The following NLK variants were observed in gnomAD, a reference collection of about 807,000 sequenced individuals.
The protein encoded by NLK is serine/threonine-protein kinase NLK.
Under a neutral mutation model 59.0 loss-of-function variants are expected in NLK, and 11 were observed. The observed-to-expected ratio is 0.19, with a 90% CI of 0.12 to 0.31. NLK has a LOEUF of 0.31. Among genes scored for constraint, NLK ranks in the 10% least tolerant of loss-of-function variants. The pLI is 1.00. For synonymous variants in NLK, 235 were observed against 235.9 expected (o/e 1.00, Z 0.03); for missense variants, 410 against 661.1 (o/e 0.62, Z 4.16).
intron 7 of NLK, among the ~76,000 whole-genome samples, chr17:28,184,587 G>A (rs1909042657): frequency 6.6e-6 from 1 of 152,084 alleles, no homozygotes; most frequent in East Asian, 1.9e-4. Context: ...TGCCATATTT[G>A]CAATTCGTTT....
At chr17:28,123,026 A>T (rs545158715) in intron 2 of NLK, among the ~76,000 whole-genome samples, 1 of 152,236 alleles carries the variant, frequency 6.6e-6, no homozygotes, top group East Asian at 1.9e-4. Context: ...ATGTCTCTCT[A>T]TGACTGTCTT....
intron 1 of NLK, among the ~76,000 whole-genome samples, chr17:28,101,277 T>G (rs182487869): frequency 4.5e-4 from 69 of 152,312 alleles, no homozygotes; most frequent in South Asian, 6.2e-4. Context: ...TACATACAAA[T>G]TTTTTAATCA....
At chr17:28,120,920 TTGAA>T (rs763011000) in intron 1 of NLK, among the ~76,000 whole-genome samples, 8 of 152,218 alleles carry the variant, frequency 5.3e-5, no homozygotes, top group Non-Finnish European at 1.2e-4. Flanking sequence ...TTGTAGTTCA[TTGAA>T]TGAGTAATTG....
intron 1 of NLK, among the ~76,000 whole-genome samples, chr17:28,090,623 G>A (rs1046590121): frequency 5.9e-5 from 9 of 152,038 alleles, no homozygotes; most frequent in African/African-American, 1.7e-4. Context: ...TTGGGAGGCC[G>A]AGAGGTGGGA....
chr17:28,192,692 A>G (rs1909351840), intron 10 of NLK, among the ~76,000 whole-genome samples: 1 of 152,024 alleles, frequency 6.6e-6, no homozygotes, highest in Admixed American at 6.6e-5. Flanking sequence ...AAAAACTGTA[A>G]GCATCACATT....
intron 1 of NLK, among the ~76,000 whole-genome samples, chr17:28,080,917 T>C (rs1910321957): frequency 1.3e-5 from 2 of 152,044 alleles, no homozygotes; most frequent in Non-Finnish European, 2.9e-5. Context: ...TGAGACAGGG[T>C]GTTGCTCTGT....
At chr17:28,175,860 A>G (rs1025367733) in intron 7 of NLK, among the ~76,000 whole-genome samples, 1 of 152,224 alleles carries the variant, frequency 6.6e-6, no homozygotes, top group African/African-American at 2.4e-5. Flanking sequence ...AGGGTGGTTC[A>G]CCTACAGAAA....
At chr17:28,197,167 T>C (rs187345953), downstream of NLK, among the ~76,000 whole-genome samples, 29 of 152,148 alleles carry the variant, frequency 1.9e-4, no homozygotes, top group Admixed American at 9.8e-4. Flanking sequence ...TTAACACATA[T>C]CATTTTGAAA....
intron 1 of NLK, among the ~76,000 whole-genome samples, chr17:28,098,985 A>G (rs1173560919): frequency 1.3e-5 from 2 of 151,938 alleles, no homozygotes; most frequent in Non-Finnish European, 2.9e-5. Context: ...CCTGGCTTTC[A>G]TTACCATTCT....
chr17:28,079,751 A>G (rs1910283024), intron 1 of NLK, among the ~76,000 whole-genome samples: 1 of 152,122 alleles, frequency 6.6e-6, no homozygotes, highest in African/African-American at 2.4e-5. Context: ...TGATTTGCAA[A>G]TATTTTTTCC....
chr17:28,200,709 C>A (rs1024408341), downstream of NLK, among the ~76,000 whole-genome samples: 20 of 152,224 alleles, frequency 1.3e-4, no homozygotes, highest in African/African-American at 4.8e-4. Context: ...GCCTCGAACT[C>A]CTGACCACAG....
At chr17:28,179,872 G>GT (rs34411493) in intron 7 of NLK, among the ~76,000 whole-genome samples, 7,699 of 79,092 alleles carry the variant, frequency 0.097, 256 homozygotes, top group Non-Finnish European at 0.12. Context: ...AGCATTCTTG[G>GT]TTTTTTTTTT....
intron 1 of NLK, among the ~76,000 whole-genome samples, chr17:28,072,711 T>C (rs1004366948): frequency 1.6e-4 from 25 of 152,216 alleles, no homozygotes; most frequent in African/African-American, 5.3e-4. Context: ...TATTTTGTTC[T>C]TTCAGTTGCC....
At chr17:28,099,405 G>A (rs886416410) in intron 1 of NLK, among the ~76,000 whole-genome samples, 1 of 152,052 alleles carries the variant, frequency 6.6e-6, no homozygotes, top group Admixed American at 6.6e-5. Context: ...ACCCTAAAAA[G>A]TTTCTTCCTG....
At chr17:28,087,023 G>A (rs1037855469) in intron 1 of NLK, among the ~76,000 whole-genome samples, 2 of 151,528 alleles carry the variant, frequency 1.3e-5, no homozygotes, top group African/African-American at 4.8e-5. Context: ...ACTCCAGCCT[G>A]GGTGACACCC....
At chr17:28,063,224 G>A (rs143432006) in intron 1 of NLK, among the ~76,000 whole-genome samples, 2 of 152,288 alleles carry the variant, frequency 1.3e-5, no homozygotes, top group East Asian at 3.9e-4. Context: ...AAGCCATGGC[G>A]ACTGGCAACA....
At chr17:28,058,453 T>C (rs1026604568) in intron 1 of NLK, among the ~76,000 whole-genome samples, 2 of 152,242 alleles carry the variant, frequency 1.3e-5, no homozygotes, top group Non-Finnish European at 2.9e-5. Context: ...CTAATGTAAG[T>C]GCTTATAACC....
In NLK at chr17:28,136,707, G is replaced by A. The variant is rs557941437; in HGVS notation, c.644+4032G>A. ...CAACCTCCACCTCCTAGGTTCAAGAGATTCTCATGCCTCAGCCTCCCAAGT... is the reference window on the plus strand; with the variant it reads ...CAACCTCCACCTCCTAGGTTCAAGAAATTCTCATGCCTCAGCCTCCCAAGT... On this transcript the variant is annotated intron_variant, in intron 3 of 10. Coordinates refer to ENST00000407008, the MANE Select transcript of NLK (RefSeq NM_016231.5). Among the ~76,000 whole-genome samples the A allele has an allele frequency of 3.3e-5, 5 of 152,156 alleles. No homozygotes were observed. The East Asian group carries it at 9.7e-4, about 29-fold the overall frequency.
intron 1 of NLK, among the ~76,000 whole-genome samples, chr17:28,081,371 A>AT (rs1910341445): frequency 6.6e-6 from 1 of 151,670 alleles, no homozygotes; most frequent in Non-Finnish European, 1.5e-5. Context: ...AAAAAATTTA[A>AT]TTTTTTTTAG....
Sources: allele counts gnomAD v4.1 joint callset (sites outside exome capture counted in the v4.1 genomes callset), GRCh38; gene constraint gnomAD v4.1.1; transcripts MANE v1.5; gene names NCBI Gene and HGNC (gene_info 2026-07-23, HGNC 2026-07-21).